The following SLIT3 variants were observed in gnomAD, a reference collection of about 807,000 sequenced individuals.
The protein encoded by SLIT3 is slit homolog 3 protein.
Under a neutral mutation model 184.0 loss-of-function variants are expected in SLIT3, and 68 were observed. The ratio of observed to expected loss-of-function variants is 0.37; its 90% CI spans 0.30 to 0.45. SLIT3 has a LOEUF of 0.45. SLIT3 is among the 20% of genes least tolerant of loss of function. The pLI is 1.00. For missense variants in SLIT3, 1,707 were observed against 2,026.0 expected (o/e 0.84, Z 3.02); for synonymous variants, 831 against 828.6 (o/e 1.00, Z -0.05).
At chr5:168,945,246 A>ATTT (rs34333315) in intron 4 of SLIT3, among the ~76,000 whole-genome samples, 9,522 of 147,986 alleles carry the variant, frequency 0.064, 396 homozygotes, top group African/African-American at 0.12. Context: ...TGGTATCCAC[A>ATTT]TTTTTTTTTT....
At chr5:169,163,156 A>G (rs180741735) in intron 4 of SLIT3, among the ~76,000 whole-genome samples, 2 of 152,176 alleles carry the variant, frequency 1.3e-5, no homozygotes, top group Admixed American at 1.3e-4. Context: ...CCCCGCCTCT[A>G]CTAAAAATAC....
intron 4 of SLIT3, among the ~76,000 whole-genome samples, chr5:169,142,307 C>T (rs1037686029): frequency 1.3e-5 from 2 of 152,052 alleles, no homozygotes; most frequent in Non-Finnish European, 2.9e-5. Context: ...AACTGCAGTG[C>T]ACTAGTCACT....
Position 169,027,979 on chromosome 5 carries a change from C to T in SLIT3, c.414-144643G>A, listed in dbSNP as rs578186096. On this transcript the variant is annotated intron_variant, in intron 4 of 35. Transcript: ENST00000519560. The stretch of plus-strand genomic sequence containing the variant: ...TTCATTAAGGAACTGCCCTTTATCT[C>T]GTCACATTACTGACCTGCTGGAGCT... Among the ~76,000 whole-genome samples the T allele has an allele frequency of 3.5e-4, 54 of 152,236 alleles. 1 individual carries two copies. In the South Asian group the frequency reaches 9.1e-3, roughly 26 times the overall value.
At chr5:169,065,971 G>A (rs1186687105) in intron 4 of SLIT3, among the ~76,000 whole-genome samples, 1 of 152,162 alleles carries the variant, frequency 6.6e-6, no homozygotes, top group Admixed American at 6.5e-5. Flanking sequence ...TTTGTTACTA[G>A]CAAAAAGTGT....
At chr5:169,107,937 C>T (rs957066744) in intron 4 of SLIT3, among the ~76,000 whole-genome samples, 10 of 152,208 alleles carry the variant, frequency 6.6e-5, no homozygotes, top group African/African-American at 2.4e-4. Flanking sequence ...GGCTGAGATG[C>T]CTCCCAGGCT....
intron 4 of SLIT3, among the ~76,000 whole-genome samples, chr5:169,037,373 T>A (rs1757291533): frequency 6.6e-6 from 1 of 152,220 alleles, no homozygotes; most frequent in Non-Finnish European, 1.5e-5. Context: ...GCCATTACCC[T>A]AAGCAGCACA....
intron 4 of SLIT3, among the ~76,000 whole-genome samples, chr5:169,145,334 C>T (rs577910599): frequency 6.6e-6 from 1 of 152,224 alleles, no homozygotes; most frequent in South Asian, 2.1e-4. Context: ...AGGACAGGGG[C>T]CTTTCCGGTA....
chr5:168,873,666 C>A (rs954541043), intron 5 of SLIT3, among the ~76,000 whole-genome samples: 6 of 152,074 alleles, frequency 3.9e-5, no homozygotes, highest in African/African-American at 1.4e-4. Context: ...GTGAAGGCTG[C>A]GTGCAAACCA....
chr5:168,946,552 A>G (rs1762489213), intron 4 of SLIT3, among the ~76,000 whole-genome samples: 2 of 152,242 alleles, frequency 1.3e-5, no homozygotes, highest in African/African-American at 4.8e-5. Context: ...CACAACAGTG[A>G]CATCCAGGGG....
intron 4 of SLIT3, chr5:169,026,565 A>G (rs889259103): frequency 6.6e-6 from 1 of 151,074 alleles, no homozygotes; most frequent in Non-Finnish European, 1.5e-5. Context: ...TGATATGGAA[A>G]GATGCCCATG....
chr5:168,943,124 A>G (rs909646222), intron 4 of SLIT3, among the ~76,000 whole-genome samples: 1 of 152,240 alleles, frequency 6.6e-6, no homozygotes, highest in African/African-American at 2.4e-5. Flanking sequence ...ACCAATATCC[A>G]TGTCCCAGGA....
intron 1 of SLIT3, among the ~76,000 whole-genome samples, chr5:169,286,577 C>A (rs1237024173): frequency 2.6e-5 from 4 of 152,226 alleles, no homozygotes; most frequent in African/African-American, 9.7e-5. Context: ...GAAACTGAGG[C>A]CCAGGGAGGT....
chr5:168,688,126 G>C (rs971739761), intron 29 of SLIT3, among the ~76,000 whole-genome samples: 1 of 152,212 alleles, frequency 6.6e-6, no homozygotes, highest in Admixed American at 6.5e-5. Context: ...ATGCACCGAG[G>C]GGCTGAGTCA....
At chr5:169,115,609 G>A (rs1375894465) in intron 4 of SLIT3, among the ~76,000 whole-genome samples, 1 of 152,154 alleles carries the variant, frequency 6.6e-6, no homozygotes, top group Non-Finnish European at 1.5e-5. Context: ...CCAGGATCCT[G>A]TTACCAGAAT....
At chr5:169,033,747 A>G (rs1757126306) in intron 4 of SLIT3, among the ~76,000 whole-genome samples, 1 of 151,228 alleles carries the variant, frequency 6.6e-6, no homozygotes, top group Non-Finnish European at 1.5e-5. Context: ...CTCTGTAGAA[A>G]TGCCTATTCA....
rs537865994 is a variant in SLIT3 at position 168,841,060 on chromosome 5, G to A, written c.557+3524C>T. On this transcript the variant is annotated intron_variant, in intron 6 of 35. Transcript: ENST00000519560. ...CTCCCCAGCGGGATTGTGAGTCATT[G>A]CTAGTTTGCCTCCATCAGTTCTTGA... Among the ~76,000 whole-genome samples, 20 of 152,332 alleles carry A rather than the reference G, an allele frequency of 1.3e-4. 1 individual carries two copies. The South Asian group carries it at 4.1e-3, about 32-fold the overall frequency.
At chr5:168,831,539 G>C (rs780868731) in intron 6 of SLIT3, among the ~76,000 whole-genome samples, 3 of 152,106 alleles carry the variant, frequency 2.0e-5, no homozygotes, top group Non-Finnish European at 4.4e-5. Flanking sequence ...ATCTCACAAG[G>C]GGCCTTATTC....
chr5:169,009,289 A>G (rs1756051455), intron 4 of SLIT3, among the ~76,000 whole-genome samples: 1 of 152,184 alleles, frequency 6.6e-6, no homozygotes, highest in African/African-American at 2.4e-5. Flanking sequence ...CAGATCCCAC[A>G]TAGCTGTGTC....
rs73315699 is a variant in SLIT3 at position 169,181,207 on chromosome 5, T to G, written c.413+12272A>C. Among the ~76,000 whole-genome samples the G allele has an allele frequency of 2.0e-5, 3 of 152,300 alleles. 1 individual carries two copies. The South Asian group carries it at 6.2e-4, about 32-fold the overall frequency. ...GTCAATGTCTTGCACTAAAGTGAAA[T>G]TATATCTGTGAGTTAATTCAGCAGC... is the stretch of plus-strand genomic sequence containing the variant. On this transcript the variant is annotated intron_variant, in intron 4 of 35. Coordinates refer to ENST00000519560, the MANE Select transcript of SLIT3 (RefSeq NM_003062.4).
Sources: allele counts gnomAD v4.1 joint callset (sites outside exome capture counted in the v4.1 genomes callset), GRCh38; gene constraint gnomAD v4.1.1; transcripts MANE v1.5; gene names NCBI Gene and HGNC (gene_info 2026-07-23, HGNC 2026-07-21).